LRRFIP1: variants seen among roughly 807,000 people sequenced by gnomAD.
LRRFIP1 encodes the protein LRR binding FLII interacting protein 1, also known as leucine-rich repeat flightless-interacting protein 1.
A neutral mutation model predicts 104.4 loss-of-function variants in LRRFIP1; 62 were observed. The ratio of observed to expected loss-of-function variants is 0.59; its 90% CI spans 0.48 to 0.73. The LOEUF (loss-of-function observed/expected upper bound fraction) is 0.73, where lower values mean the gene tolerates loss of function less well. LRRFIP1 is among the 30% of genes least tolerant of loss of function. LRRFIP1 has a pLI of 0.00. For missense variants in LRRFIP1, 796 were observed against 824.5 expected (o/e 0.97, Z 0.42); for synonymous variants, 300 against 299.0 (o/e 1.00, Z -0.03).
At chr2:237,764,060 C>A (rs3739038) in intron 19 of LRRFIP1, 1 of 1,613,920 alleles carries the variant, frequency 6.2e-7, no homozygotes, top group African/African-American at 1.3e-5. Context: ...AGAGCCAGGG[C>A]ACTTCAATCC....
intron 13 of LRRFIP1, among the ~76,000 whole-genome samples, chr2:237,750,686 G>A (rs1266794867): frequency 6.6e-6 from 1 of 152,132 alleles, no homozygotes; most frequent in Non-Finnish European, 1.5e-5. Context: ...CAGTCCTGAT[G>A]TTTCTCTGCC....
At position 237,711,606 on chromosome 2, in the gene LRRFIP1, C is replaced by T. The variant is rs929054548; in HGVS notation, c.184-2653C>T. On this transcript the variant is annotated intron_variant, in intron 2 of 23. Transcript: ENST00000308482. This position sits in a 1 kb window ranked among gnomAD's most constrained non-coding sequence, Gnocchi z 4.4. ...CGTGGCTTGCGGCTGTGACACAGGG[C>T]GGGCGTCGTGGGCGCGGCTGTGGAC... 6.6e-5 allele frequency among the ~76,000 whole-genome samples: 10 copies of T among 152,304 alleles called. No individual in the cohort carries two copies. The highest frequency in any genetic ancestry group is 1.2e-4 in the Non-Finnish European group (8 of 68,018).
rs534548089 is a variant in LRRFIP1 at position 237,769,718 on chromosome 2, G to A, written c.1460-225G>A. On this transcript the variant is annotated intron_variant, in intron 19 of 23. Coordinates refer to ENST00000308482, the MANE Select transcript of LRRFIP1 (RefSeq NM_001137550.2). ...ATTAGCAGCCTGTTTGCATGCAGCC[G>A]GATGCTGCCCCTGACGTGAAGCATG... The A allele has an allele frequency of 3.2e-4, 167 of 521,090 alleles. No individual in the cohort carries two copies. The Middle Eastern group carries it at 0.012, about 37-fold the overall frequency. The allele number at this position is 521,090 out of a possible 1,614,324, so 32.3% of individuals were successfully genotyped here.
chr2:237,764,249 A>G (rs2150879079), intron 19 of LRRFIP1: 2 of 1,605,804 alleles, frequency 1.2e-6, no homozygotes, highest in South Asian at 2.2e-5. Flanking sequence ...GAGGCACTGT[A>G]TGACAATTAC....
chr2:237,705,961 G>A (rs895766773), intron 1 of LRRFIP1, among the ~76,000 whole-genome samples: 1 of 152,254 alleles, frequency 6.6e-6, no homozygotes, highest in Non-Finnish European at 1.5e-5. Flanking sequence ...TAAAGGGCTT[G>A]CCTGATTAGG....
intron 15 of LRRFIP1, among the ~76,000 whole-genome samples, chr2:237,754,387 T>C (rs183315800): frequency 6.6e-6 from 1 of 152,326 alleles, no homozygotes. Context: ...ATATAATTTC[T>C]ATTGAGAGTC....
intron 12 of LRRFIP1, 38 bp from the exon 13 acceptor site, chr2:237,749,161 C>T (rs771525776): frequency 7.5e-6 from 12 of 1,604,630 alleles, no homozygotes; most frequent in Non-Finnish European, 9.4e-6. Context: ...GGACACAGAG[C>T]TAAACCATAT....
chr2:237,672,310 G>C (rs147146565), intron 1 of LRRFIP1, among the ~76,000 whole-genome samples: 37 of 152,276 alleles, frequency 2.4e-4, no homozygotes, highest in African/African-American at 8.9e-4. Flanking sequence ...ATGGTTTCTA[G>C]AATTCCTTGA....
At chr2:237,683,728 A>G (rs2092080565) in intron 1 of LRRFIP1, among the ~76,000 whole-genome samples, 1 of 152,124 alleles carries the variant, frequency 6.6e-6, no homozygotes, top group South Asian at 2.1e-4. Flanking sequence ...TCTTGGAAAG[A>G]TCATTTTGGG....
At chr2:237,772,366 G>T in intron 21 of LRRFIP1, 168 bp downstream of exon 21, 1 of 585,206 alleles carries the variant, frequency 1.7e-6, no homozygotes, top group Non-Finnish European at 3.0e-6. Context: ...CAGAACAATG[G>T]TGTTTCTCTC....
chr2:237,634,816 A>G (rs898387522), intron 1 of LRRFIP1, among the ~76,000 whole-genome samples: 26 of 152,172 alleles, frequency 1.7e-4, no homozygotes, highest in African/African-American at 6.3e-4. Context: ...CTATATATCT[A>G]CATATCTCCA....
chr2:237,653,929 A>G (rs1055373801), intron 1 of LRRFIP1, among the ~76,000 whole-genome samples: 2 of 152,236 alleles, frequency 1.3e-5, no homozygotes, highest in African/African-American at 4.8e-5. Context: ...CGAAAGCTCC[A>G]TGATATTGTT....
intron 3 of LRRFIP1, among the ~76,000 whole-genome samples, chr2:237,716,662 T>A (rs1342417855): frequency 3.3e-5 from 5 of 152,248 alleles, no homozygotes; most frequent in African/African-American, 1.2e-4. Flanking sequence ...ATTATAAGAT[T>A]TTAATGTATG....
chr2:237,762,548 G>A (rs3739045), intron 19 of LRRFIP1: 54,896 of 1,385,750 alleles, frequency 0.04, 2,271 homozygotes, highest in East Asian at 0.15. Context: ...TTCTAATGTA[G>A]ATTATGTGGC....
In LRRFIP1 at chr2:237,705,721, A is replaced by G. The variant is rs143971554; in HGVS notation, c.97-2823A>G. Among the ~76,000 whole-genome samples the G allele has an allele frequency of 2.3e-3, 343 of 151,368 alleles. 10 individuals are homozygous for G. In the East Asian group the frequency reaches 0.046, roughly 20 times the overall value. ...TCTGGGTCCTGTGCTCAGGTCTCAC[A>G]AGGCTGCAACCAAGGTGTCGGCCAG... On this transcript the variant is annotated intron_variant, in intron 1 of 23. Coordinates refer to ENST00000308482, the MANE Select transcript of LRRFIP1 (RefSeq NM_001137550.2).
At chr2:237,778,441 G>A (rs62196067) in intron 23 of LRRFIP1, among the ~76,000 whole-genome samples, 4,683 of 152,228 alleles carry the variant, frequency 0.031, 89 homozygotes, top group Middle Eastern at 0.095. Context: ...TCTGCAGCTC[G>A]TCTTCTGCCT....
intron 13 of LRRFIP1, among the ~76,000 whole-genome samples, chr2:237,750,259 C>T (rs557135918): frequency 7.9e-5 from 12 of 151,896 alleles, no homozygotes; most frequent in Non-Finnish European, 1.8e-4. Flanking sequence ...CATGTGCCAC[C>T]CCTGGGCCAC....
intron 19 of LRRFIP1, chr2:237,765,882 G>A (rs2060224440): frequency 7.1e-6 from 7 of 984,252 alleles, no homozygotes; most frequent in Non-Finnish European, 8.4e-6. Context: ...GTGTTATTAT[G>A]TAATTGAAAT....
At chr2:237,687,981 G>T (rs1396248792) in intron 1 of LRRFIP1, among the ~76,000 whole-genome samples, 1 of 152,168 alleles carries the variant, frequency 6.6e-6, no homozygotes, top group Non-Finnish European at 1.5e-5. Flanking sequence ...TAACTGTTCT[G>T]GCATTTTCTG....
Sources: allele counts gnomAD v4.1 joint callset (sites outside exome capture counted in the v4.1 genomes callset), GRCh38; gene constraint gnomAD v4.1.1; non-coding constraint Gnocchi (gnomAD v3.1); transcripts MANE v1.5; gene names NCBI Gene and HGNC (gene_info 2026-07-23, HGNC 2026-07-21).